SPMAP2L: variants seen among roughly 807,000 people sequenced by gnomAD.
SPMAP2L encodes sperm microtubule associated protein 2-like.
chr4:56,530,741 C>T, the SPMAP2L span: 2 of 1,535,364 alleles, frequency 1.3e-6, no homozygotes, highest in South Asian at 2.4e-5. Context: ...CAGGTCTCAA[C>T]AGAAATATCC....
At chr4:56,613,668 T>C in the SPMAP2L span, among the ~76,000 whole-genome samples, 3 of 152,324 alleles carry the variant, frequency 2.0e-5, no homozygotes, top group African/African-American at 2.4e-5. Context: ...ACTTAAAACA[T>C]GGCCTGAGTC....
the SPMAP2L span, among the ~76,000 whole-genome samples, chr4:56,579,435 G>A: frequency 6.6e-6 from 1 of 151,842 alleles, no homozygotes; most frequent in South Asian, 2.1e-4. Context: ...TGCAGCTAAA[G>A]TAGTGGTTAG....
At chr4:56,598,537 G>T in the SPMAP2L span, among the ~76,000 whole-genome samples, 1 of 152,058 alleles carries the variant, frequency 6.6e-6, no homozygotes, top group South Asian at 2.1e-4. Flanking sequence ...TGAAGAATGT[G>T]ATGTATGAGT....
the SPMAP2L span, among the ~76,000 whole-genome samples, chr4:56,625,468 T>G: frequency 2.3e-3 from 353 of 152,294 alleles, 4 homozygotes; most frequent in East Asian, 0.028. Flanking sequence ...GGTTTGGCTA[T>G]GTTCCCACCC....
the SPMAP2L span, among the ~76,000 whole-genome samples, chr4:56,572,230 G>T: frequency 6.6e-6 from 1 of 152,182 alleles, no homozygotes; most frequent in Non-Finnish European, 1.5e-5. Flanking sequence ...AATTGTATGT[G>T]CTGGTAGGTT....
At chr4:56,553,368 T>G in the SPMAP2L span, among the ~76,000 whole-genome samples, 5 of 151,868 alleles carry the variant, frequency 3.3e-5, no homozygotes, top group African/African-American at 1.2e-4. Context: ...TTTTTAAATT[T>G]TTTTGTGGAG....
the SPMAP2L span, among the ~76,000 whole-genome samples, chr4:56,544,524 C>A: frequency 1.2e-4 from 18 of 151,922 alleles, no homozygotes; most frequent in Admixed American, 1.1e-3. Context: ...GGCGAAAAAA[C>A]GTAAAAAAAA....
At chr4:56,620,674 C>T in the SPMAP2L span, among the ~76,000 whole-genome samples, 1 of 152,218 alleles carries the variant, frequency 6.6e-6, no homozygotes, top group Non-Finnish European at 1.5e-5. Flanking sequence ...CGTGAGCCAC[C>T]GCGCCCGACA....
At chr4:56,543,949 AGTGT>A in the SPMAP2L span, among the ~76,000 whole-genome samples, 34 of 115,870 alleles carry the variant, frequency 2.9e-4, no homozygotes, top group East Asian at 3.6e-3. Context: ...AGAGAGAGAG[AGTGT>A]GTGTGTGTGT....
At chr4:56,575,743 G>A in the SPMAP2L span, 1 of 1,112,872 alleles carries the variant, frequency 9.0e-7, no homozygotes, top group Non-Finnish European at 1.2e-6. Flanking sequence ...TGAGCTAAGA[G>A]TCCACTTGTG....
the SPMAP2L span, chr4:56,595,513 A>G: frequency 6.5e-7 from 1 of 1,529,742 alleles, no homozygotes; most frequent in Non-Finnish European, 9.1e-7. Context: ...ACACTCCCTG[A>G]CCTGCGTTAT....
At chr4:56,575,756 C>A in the SPMAP2L span, 1 of 985,296 alleles carries the variant, frequency 1.0e-6, no homozygotes, top group Non-Finnish European at 1.4e-6. Context: ...CACTTGTGTT[C>A]CAAAGCATCA....
At chr4:56,617,394 T>C in the SPMAP2L span, among the ~76,000 whole-genome samples, 2 of 152,192 alleles carry the variant, frequency 1.3e-5, no homozygotes, top group African/African-American at 4.8e-5. Flanking sequence ...TTTTTCCTAC[T>C]ACCTACCTAC....
chr4:56,590,607 G>T, the SPMAP2L span, among the ~76,000 whole-genome samples: 2 of 152,166 alleles, frequency 1.3e-5, no homozygotes, highest in South Asian at 2.1e-4. Flanking sequence ...GATGTCACAG[G>T]CATGATCCAC....
At chr4:56,588,848 C>G in the SPMAP2L span, among the ~76,000 whole-genome samples, 4 of 152,174 alleles carry the variant, frequency 2.6e-5, no homozygotes, top group African/African-American at 9.7e-5. Flanking sequence ...TTGTGGCTAG[C>G]CAATTATCCC....
the SPMAP2L span, chr4:56,593,694 G>A: frequency 1.3e-6 from 2 of 1,599,992 alleles, no homozygotes; most frequent in African/African-American, 1.3e-5. Flanking sequence ...ATGATGCCTG[G>A]AAGAATGGTG....
At chr4:56,609,509 G>A in the SPMAP2L span, among the ~76,000 whole-genome samples, 1 of 152,124 alleles carries the variant, frequency 6.6e-6, no homozygotes. Flanking sequence ...GACTTTTGGG[G>A]CTATTGGAAT....
chr4:56,596,555 T>C, the SPMAP2L span: 4 of 1,534,050 alleles, frequency 2.6e-6, no homozygotes, highest in South Asian at 1.2e-5. Context: ...CCAAGAATTA[T>C]AGAGCTTGCC....
At chr4:56,600,097 C>CTT in the SPMAP2L span, among the ~76,000 whole-genome samples, 55 of 87,810 alleles carry the variant, frequency 6.3e-4, 2 homozygotes, top group East Asian at 2.3e-3. Context: ...TCTTTGCTTT[C>CTT]TTTTTTTTTT....
Sources: allele counts gnomAD v4.1 joint callset (sites outside exome capture counted in the v4.1 genomes callset), GRCh38; gene constraint gnomAD v4.1.1; transcripts MANE v1.5; gene names NCBI Gene and HGNC (gene_info 2026-07-23, HGNC 2026-07-21).